CDH13: variants seen among roughly 807,000 people sequenced by gnomAD.
The protein encoded by CDH13 is cadherin-13.
Under a neutral mutation model 63.8 loss-of-function variants are expected in CDH13, and 24 were observed. That is an observed-to-expected ratio of 0.38 (90% CI 0.27 to 0.53). The LOEUF (loss-of-function observed/expected upper bound fraction) is 0.53, where lower values mean the gene tolerates loss of function less well. Ranked by LOEUF, CDH13 falls within the 20% of genes least tolerant of loss-of-function variation. The probability of loss-of-function intolerance (pLI) is 0.85; values close to 1 mark genes in which losing one functional copy is unlikely to be tolerated. For synonymous variants in CDH13, 503 were observed against 355.3 expected, an observed-to-expected ratio of 1.42 and a Z score of -4.67; for missense variants, 1,049 against 903.1, an observed-to-expected ratio of 1.16 and a Z score of -2.07.
chr16:83,601,408 T>C (rs920220595), intron 7 of CDH13, among the ~76,000 whole-genome samples: 2 of 152,156 alleles, frequency 1.3e-5, no homozygotes, highest in Non-Finnish European at 2.9e-5. Context: ...AATATTGAGA[T>C]GAAAAACACT....
Position 83,799,299 on chromosome 16 carries a change from C to CAAAAAAAAAAA in CDH13, c.*4280_*4290dup, listed in dbSNP as rs11349889. 1.8e-5 allele frequency: 2 copies of CAAAAAAAAAAA among 110,200 alleles called. No homozygotes were observed. Among genetic ancestry groups the CAAAAAAAAAAA allele is most frequent in the Admixed American group, 1.1e-4 (1 of 9,496 alleles). The allele number at this position is 110,200 out of a possible 1,614,324, so 6.8% of individuals were successfully genotyped here. On this transcript the variant is annotated 3_prime_UTR_variant, in exon 14 of 14. Transcript: ENST00000567109. ...CCTGGGCAACAGAGCAAGACTCCGT[C>CAAAAAAAAAAA]AAAAAAAAAAAAAAAAAAAAAGAAA...
chr16:82,890,379 C>T (rs1445094474), intron 2 of CDH13, among the ~76,000 whole-genome samples: 1 of 152,202 alleles, frequency 6.6e-6, no homozygotes, highest in Non-Finnish European at 1.5e-5. Flanking sequence ...TCTCCAGCCT[C>T]AGCCTTCTTG....
chr16:83,547,168 A>T (rs1176158835), intron 7 of CDH13, among the ~76,000 whole-genome samples: 1 of 152,172 alleles, frequency 6.6e-6, no homozygotes, highest in Non-Finnish European at 1.5e-5. Context: ...TGGCACAAAT[A>T]AGTGTGGAAT....
chr16:82,695,635 G>C (rs1040899449), intron 1 of CDH13, among the ~76,000 whole-genome samples: 4 of 152,100 alleles, frequency 2.6e-5, no homozygotes, highest in African/African-American at 9.7e-5. Flanking sequence ...CAGTTTTTTA[G>C]GGACAGAAAG....
chr16:82,956,530 C>G (rs946936078), intron 2 of CDH13, among the ~76,000 whole-genome samples: 4 of 152,058 alleles, frequency 2.6e-5, no homozygotes, highest in Admixed American at 6.6e-5. Flanking sequence ...TTTTCAAGCT[C>G]AGGTATATCC....
At chr16:83,085,075 C>T (rs1191570163) in intron 3 of CDH13, among the ~76,000 whole-genome samples, 3 of 152,056 alleles carry the variant, frequency 2.0e-5, no homozygotes, top group African/African-American at 7.2e-5. Flanking sequence ...TTATATTGGT[C>T]TGTTTTCATG....
At position 83,637,030 on chromosome 16, in the gene CDH13, A is replaced by G. The variant is rs1911325591; in HGVS notation, c.1102-33760A>G. On this transcript the variant is annotated intron_variant, in intron 8 of 13. Transcript: ENST00000567109. ...GATTAGTGATGATGAGCATTTTTTC[A>G]TTTGTGAATTGGCCATTCATATGTC... 2.0e-5 allele frequency among the ~76,000 whole-genome samples: 3 copies of G among 152,042 alleles called. No individual in the cohort carries two copies. The South Asian group carries it at 6.2e-4, about 31-fold the overall frequency.
intron 3 of CDH13, among the ~76,000 whole-genome samples, chr16:83,083,120 A>T (rs983205338): frequency 6.6e-6 from 1 of 152,266 alleles, no homozygotes; most frequent in African/African-American, 2.4e-5. Context: ...ATGTAAAGTA[A>T]TTGGACATTT....
chr16:83,296,496 G>A (rs893111114), intron 5 of CDH13, among the ~76,000 whole-genome samples: 1 of 152,174 alleles, frequency 6.6e-6, no homozygotes, highest in African/African-American at 2.4e-5. Context: ...CATAAGACAG[G>A]AGACTAGGAA....
chr16:83,310,826 G>C (rs150934756), intron 5 of CDH13, among the ~76,000 whole-genome samples: 1 of 152,178 alleles, frequency 6.6e-6, no homozygotes, highest in African/African-American at 2.4e-5. Context: ...ACTTGCTTCT[G>C]CCTGCAAAAG....
chr16:83,013,646 T>G (rs1033453753), intron 2 of CDH13, among the ~76,000 whole-genome samples: 1 of 152,206 alleles, frequency 6.6e-6, no homozygotes, highest in Non-Finnish European at 1.5e-5. Context: ...CAGTAACTTG[T>G]CTATTCCTCA....
intron 5 of CDH13, among the ~76,000 whole-genome samples, chr16:83,263,024 G>C (rs961965988): frequency 6.6e-6 from 1 of 152,312 alleles, no homozygotes; most frequent in Middle Eastern, 3.4e-3. Flanking sequence ...GATATTCTTA[G>C]AGCTTGGCAA....
chr16:83,097,007 G>A (rs1011545936), intron 3 of CDH13, among the ~76,000 whole-genome samples: 1 of 152,084 alleles, frequency 6.6e-6, no homozygotes, highest in African/African-American at 2.4e-5. Context: ...AAGATTGAGT[G>A]TACCTCTGGA....
intron 8 of CDH13, among the ~76,000 whole-genome samples, chr16:83,603,475 A>G (rs753559046): frequency 1.3e-5 from 2 of 152,224 alleles, no homozygotes; most frequent in Non-Finnish European, 2.9e-5. Context: ...AATCCAGAGA[A>G]CAAGCTCCAA....
chr16:82,777,578 G>T (rs1270522091), intron 1 of CDH13, among the ~76,000 whole-genome samples: 3 of 152,150 alleles, frequency 2.0e-5, no homozygotes, highest in African/African-American at 7.2e-5. Flanking sequence ...AGTAATCTAT[G>T]GTTATACAAC....
At chr16:82,745,139 TG>T (rs2034103244) in intron 1 of CDH13, among the ~76,000 whole-genome samples, 1 of 152,202 alleles carries the variant, frequency 6.6e-6, no homozygotes, top group Non-Finnish European at 1.5e-5. Flanking sequence ...TTAAAGGCTC[TG>T]GGAAACAAAA....
intron 2 of CDH13, among the ~76,000 whole-genome samples, chr16:82,986,314 C>G (rs558772718): frequency 6.6e-6 from 1 of 152,154 alleles, no homozygotes; most frequent in Non-Finnish European, 1.5e-5. Context: ...AGTGACAAAC[C>G]TTTGACATTT....
rs532567562 is a variant in CDH13 at position 82,711,666 on chromosome 16, G to A, written c.45+84529G>A. 1.1e-4 allele frequency among the ~76,000 whole-genome samples: 16 copies of A among 152,324 alleles called. No homozygotes were observed. The South Asian group carries it at 1.7e-3, about 16-fold the overall frequency. ...CCCACCTTGTCCAGGGGAAAGTCAG[G>A]ACTGGGATCCAGCGTATAGTCACTT... On this transcript the variant is annotated intron_variant, in intron 1 of 13. Transcript: ENST00000567109.
In CDH13 at chr16:83,176,355, C is replaced by A. The variant is rs144039727; in HGVS notation, c.484-40990C>A. On this transcript the variant is annotated intron_variant, in intron 4 of 13. Coordinates refer to ENST00000567109, the MANE Select transcript of CDH13 (RefSeq NM_001257.5). ...TGAAACCCTGTCTCTTCTAAAAATA[C>A]AAAAATTAGCCTGGCGTGGTGGCAG... Among the ~76,000 whole-genome samples, 11 of 151,258 alleles carry A rather than the reference C, an allele frequency of 7.3e-5. No individual in the cohort carries two copies. In the South Asian group the frequency reaches 2.3e-3, roughly 32 times the overall value.
Sources: gnomAD v4.1 joint callset for allele counts (sites outside exome capture counted in the v4.1 genomes callset) on GRCh38, gnomAD v4.1.1 for gene constraint, MANE v1.5 for transcripts, NCBI Gene and HGNC (gene_info 2026-07-23, HGNC 2026-07-21) for gene names.